Variants in JAKMIP1 observed in about 807,000 individuals in gnomAD.
JAKMIP1 encodes the protein janus kinase and microtubule interacting protein 1, also known as janus kinase and microtubule-interacting protein 1.
In JAKMIP1, 33 loss-of-function variants were observed where a neutral mutation model predicts 113.0. The observed-to-expected ratio is 0.29, with a 90% confidence interval of 0.22 to 0.39. The LOEUF (loss-of-function observed/expected upper bound fraction) is 0.39. Ranked by LOEUF, JAKMIP1 falls within the 10% of genes least tolerant of loss-of-function variation. The probability of loss-of-function intolerance (pLI) is 1.00; values close to 1 mark genes in which losing one functional copy is unlikely to be tolerated. For missense variants in JAKMIP1, 813 were observed against 1,080.5 expected (o/e 0.75, Z 3.47); for synonymous variants, 480 against 459.9 (o/e 1.04, Z -0.56).
At chr4:6,073,727 C>T (rs553652065) in intron 8 of JAKMIP1, among the ~76,000 whole-genome samples, 4 of 152,328 alleles carry the variant, frequency 2.6e-5, no homozygotes, top group South Asian at 2.1e-4. Flanking sequence ...AGGTTCTGAG[C>T]GTTTAGATGA....
At position 6,094,075 on chromosome 4, in the gene JAKMIP1, G is replaced by A. The variant is rs115945478; in HGVS notation, c.625-8446C>T. Among the ~76,000 whole-genome samples, 459 of 152,112 alleles carry A rather than the reference G, an allele frequency of 3.0e-3. 2 individuals are homozygous for A. Among genetic ancestry groups the A allele is most frequent in the African/African-American group, 0.011 (436 of 41,494 alleles). On this transcript the variant is annotated intron_variant, in intron 3 of 20. Transcript: ENST00000409021. This position sits in a 1 kb window ranked among gnomAD's most constrained non-coding sequence, Gnocchi z 4.2. The stretch of plus-strand genomic sequence containing the variant: ...ATGGCCAGGCAGGGTTTTAGCCATG[G>A]CCCCCCAGGACTCCCCCGAGAGGCT...
At chr4:6,077,477 C>T (rs1026244488) in intron 8 of JAKMIP1, among the ~76,000 whole-genome samples, 1 of 134,266 alleles carries the variant, frequency 7.4e-6, no homozygotes, top group African/African-American at 2.7e-5. Context: ...AATACATTTC[C>T]TTTCCTTTTT....
chr4:6,026,303 T>C (rs1323165589), intron 20 of JAKMIP1, 25 bp from the exon 21 acceptor site: 33 of 1,113,306 alleles, frequency 3.0e-5, no homozygotes, highest in Non-Finnish European at 2.6e-5. Flanking sequence ...CAAAAGAAAA[T>C]GAGGAAAAGA....
At chr4:6,120,948 C>A (rs948211923) in intron 1 of JAKMIP1, among the ~76,000 whole-genome samples, 3 of 152,118 alleles carry the variant, frequency 2.0e-5, no homozygotes, top group African/African-American at 7.2e-5. Context: ...ACCTGTAATC[C>A]CAGCACTTTG....
At chr4:6,189,153 G>A (rs1363647120) in intron 1 of JAKMIP1, among the ~76,000 whole-genome samples, 1 of 152,168 alleles carries the variant, frequency 6.6e-6, no homozygotes, top group Non-Finnish European at 1.5e-5. Context: ...CAGGCTAATG[G>A]AATAAGAAAT....
Position 6,139,737 on chromosome 4 carries a change from G to C in JAKMIP1, c.-147-26740C>G, listed in dbSNP as rs1719827589. 6.6e-6 allele frequency among the ~76,000 whole-genome samples: 1 copy of C among 151,346 alleles called. No homozygotes were observed. The highest frequency in any genetic ancestry group is 2.1e-4 in the South Asian group (1 of 4,792). On this transcript the variant is annotated intron_variant, in intron 1 of 20. Transcript: ENST00000409021. This position sits in a 1 kb window ranked among gnomAD's most constrained non-coding sequence, Gnocchi z 5.2. The stretch of plus-strand genomic sequence containing the variant: ...GCCAAGACCATGCCACTGTGCTCCA[G>C]CCTGGGTGACAGAGTGAGACTCCAT...
intron 1 of JAKMIP1, among the ~76,000 whole-genome samples, chr4:6,160,411 T>A (rs1300065460): frequency 6.6e-6 from 1 of 152,180 alleles, no homozygotes; most frequent in Non-Finnish European, 1.5e-5. Flanking sequence ...TTACACAGAA[T>A]GTTCAGGAAA....
At chr4:6,152,381 G>C (rs1408281946) in intron 1 of JAKMIP1, among the ~76,000 whole-genome samples, 2 of 152,062 alleles carry the variant, frequency 1.3e-5, no homozygotes, top group African/African-American at 4.8e-5. Context: ...CCAGCTCCTA[G>C]AACCGCCCTC....
intron 1 of JAKMIP1, among the ~76,000 whole-genome samples, chr4:6,172,045 G>A (rs555978544): frequency 6.6e-6 from 1 of 152,230 alleles, no homozygotes; most frequent in East Asian, 1.9e-4. Context: ...TTGTTCCCTG[G>A]ACACATCCCA....
chr4:6,100,257 C>A (rs1712780727), intron 3 of JAKMIP1, among the ~76,000 whole-genome samples: 1 of 152,208 alleles, frequency 6.6e-6, no homozygotes, highest in African/African-American at 2.4e-5. Flanking sequence ...TCCAACTAGT[C>A]CCCGTCAGCC....
intron 18 of JAKMIP1, among the ~76,000 whole-genome samples, chr4:6,037,834 C>T (rs78514415): frequency 0.045 from 4,893 of 109,948 alleles, 224 homozygotes; most frequent in African/African-American, 0.095. Context: ...CCTCCATCAC[C>T]GAGGCAGAGG....
At chr4:6,149,664 CAAAGTA>C (rs67627520) in intron 1 of JAKMIP1, among the ~76,000 whole-genome samples, 20,638 of 152,052 alleles carry the variant, frequency 0.14, 1,541 homozygotes, top group African/African-American at 0.21. Context: ...TCATAAAGTC[CAAAGTA>C]TATCAAGTTC....
chr4:6,080,148 C>A lies in JAKMIP1; in HGVS notation c.1242+24G>T. ...CTGGTGCCACCCCTGCCAGGGGCAG[C>A]CGCGCCAGCTGTGCTAGATGTACCA... On this transcript the variant is annotated intron_variant, in intron 7 of 20. Transcript: ENST00000409021. This position sits in a 1 kb window ranked among gnomAD's most constrained non-coding sequence, Gnocchi z 6.0. 2 of 1,564,694 alleles carry A rather than the reference C, an allele frequency of 1.3e-6. No homozygotes were observed. Among genetic ancestry groups the A allele is most frequent in the Non-Finnish European group, 1.7e-6 (2 of 1,154,192 alleles).
In JAKMIP1 at chr4:6,027,073, GA is replaced by G. The variant is rs772798332; in HGVS notation, c.2446-796del. On this transcript the variant is annotated intron_variant, in intron 20 of 20. Coordinates refer to ENST00000409021, the MANE Select transcript of JAKMIP1 (RefSeq NM_001099433.2). ...CATTTGATTAGTCTACTTATACAGA[GA>G]AAAAAAAAATCAGGGAAAGACGGTC... 6.7e-5 allele frequency among the ~76,000 whole-genome samples: 10 copies of G among 148,188 alleles called. No homozygotes were observed. In the East Asian group the frequency reaches 1.2e-3, roughly 18 times the overall value.
At chr4:6,127,274 A>G (rs1343947467) in intron 1 of JAKMIP1, among the ~76,000 whole-genome samples, 1 of 152,218 alleles carries the variant, frequency 6.6e-6, no homozygotes, top group East Asian at 1.9e-4. Flanking sequence ...GCCAGGGCAT[A>G]GGCTGTTCCC....
Position 6,044,638 on chromosome 4 carries a change from G to A in JAKMIP1, c.2029-2411C>T, listed in dbSNP as rs543006295. Among the ~76,000 whole-genome samples the A allele has an allele frequency of 1.2e-4, 19 of 152,346 alleles. No homozygotes were observed. In the South Asian group the frequency reaches 3.7e-3, roughly 30 times the overall value. On this transcript the variant is annotated intron_variant, in intron 16 of 20. Transcript: ENST00000409021. This position sits in a 1 kb window ranked among gnomAD's most constrained non-coding sequence, Gnocchi z 4.4. ...TCATAAAATGAATAAAATTAAAATGGGAAATCCAGGTTTGGATGATTACAA... is the reference window on the plus strand; with the variant it reads ...TCATAAAATGAATAAAATTAAAATGAGAAATCCAGGTTTGGATGATTACAA...
rs777196901 is a variant in JAKMIP1 at position 6,031,374 on chromosome 4, G to A, written c.2380-1593C>T. 1.3e-5 allele frequency among the ~76,000 whole-genome samples: 2 copies of A among 152,078 alleles called. No homozygotes were observed. The highest frequency in any genetic ancestry group is 2.4e-5 in the African/African-American group (1 of 41,404). On this transcript the variant is annotated intron_variant, in intron 19 of 20. Coordinates refer to ENST00000409021, the MANE Select transcript of JAKMIP1 (RefSeq NM_001099433.2). The surrounding 1 kb of genome is among the most constrained non-coding windows in gnomAD (Gnocchi z 4.4). ...GGAGGTTGCGGTGAGCTGAGATCGCGCCATTGCACTCCAGCCTGGGTGACA... is the reference window on the plus strand; with the variant it reads ...GGAGGTTGCGGTGAGCTGAGATCGCACCATTGCACTCCAGCCTGGGTGACA...
At chr4:6,055,305 C>T (rs887244229) in intron 12 of JAKMIP1, among the ~76,000 whole-genome samples, 2 of 152,154 alleles carry the variant, frequency 1.3e-5, no homozygotes, top group Non-Finnish European at 2.9e-5. Context: ...GATCATGTTC[C>T]AAAACTGCAT....
intron 8 of JAKMIP1, among the ~76,000 whole-genome samples, chr4:6,073,038 A>T (rs1719199943): frequency 6.7e-6 from 1 of 149,650 alleles, no homozygotes. Context: ...CCATCACGCC[A>T]CTACACTCCA....
Sources: allele counts gnomAD v4.1 joint callset (sites outside exome capture counted in the v4.1 genomes callset), GRCh38; gene constraint gnomAD v4.1.1; non-coding constraint Gnocchi (gnomAD v3.1); transcripts MANE v1.5; gene names NCBI Gene and HGNC (gene_info 2026-07-23, HGNC 2026-07-21).